The following ADD1 variants were observed in gnomAD, a reference collection of about 807,000 sequenced individuals.
ADD1 encodes alpha-adducin.
In ADD1, 24 loss-of-function variants were observed where a neutral mutation model predicts 80.5. The ratio of observed to expected loss-of-function variants is 0.30; its 90% CI spans 0.22 to 0.42. The LOEUF (loss-of-function observed/expected upper bound fraction) is 0.42. Ranked by LOEUF, ADD1 falls within the 10% of genes least tolerant of loss-of-function variation. ADD1 has a pLI of 1.00. For missense variants in ADD1, 948 were observed against 1,019.0 expected, an observed-to-expected ratio of 0.93 and a Z score of 0.95; for synonymous variants, 373 against 393.8, an observed-to-expected ratio of 0.95 and a Z score of 0.63.
Position 2,908,507 on chromosome 4 carries a change from AC to A in ADD1, c.1609-5del. The A allele has an allele frequency of 6.2e-7, 1 of 1,613,486 alleles. No homozygotes were observed. Among genetic ancestry groups the A allele is most frequent in the Non-Finnish European group, 8.5e-7 (1 of 1,179,534 alleles). On this transcript the variant is annotated splice_polypyrimidine_tract_variant and splice_region_variant and intron_variant, in intron 11 of 15. Transcript: ENST00000683351. ...CTGTTGATGTGTGCCTCTCCTTCCCACCCTCAGATCCGAGAGCAGAATTTAC... is the reference window on the plus strand; with the variant it reads ...CTGTTGATGTGTGCCTCTCCTTCCCACCTCAGATCCGAGAGCAGAATTTAC...
intron 2 of ADD1, among the ~76,000 whole-genome samples, chr4:2,878,775 G>GT (rs1432473046): frequency 6.6e-6 from 1 of 152,148 alleles, no homozygotes; most frequent in Non-Finnish European, 1.5e-5. Context: ...GGGGCTTGAG[G>GT]TTTTGCCAGA....
At chr4:2,865,948 C>T (rs1729478276) in intron 1 of ADD1, among the ~76,000 whole-genome samples, 1 of 152,142 alleles carries the variant, frequency 6.6e-6, no homozygotes, top group Non-Finnish European at 1.5e-5. Context: ...TTGTTCAGGA[C>T]ATGTGGCTCA....
At chr4:2,897,023 G>C (rs920360049) in intron 6 of ADD1, among the ~76,000 whole-genome samples, 3 of 152,124 alleles carry the variant, frequency 2.0e-5, no homozygotes, top group African/African-American at 7.2e-5. Flanking sequence ...GCTCCCAAAT[G>C]ACTGGGTTTA....
intron 10 of ADD1, 52 bp from the exon 11 acceptor site, chr4:2,907,691 G>A: frequency 7.0e-7 from 1 of 1,431,552 alleles, no homozygotes; most frequent in South Asian, 1.1e-5. Flanking sequence ...TGGATGCTAT[G>A]TCACTTATTG....
At chr4:2,915,152 C>A in intron 14 of ADD1, 112 bp downstream of exon 14, 2 of 1,189,202 alleles carry the variant, frequency 1.7e-6, no homozygotes, top group Non-Finnish European at 2.3e-6. Flanking sequence ...TCACATGCAT[C>A]AAAGACAAAC....
intron 14 of ADD1, among the ~76,000 whole-genome samples, chr4:2,923,056 G>A (rs1294401073): frequency 1.3e-5 from 2 of 152,246 alleles, no homozygotes; most frequent in East Asian, 3.8e-4. Flanking sequence ...CAAGCCAGTG[G>A]ATCTTAGCTT....
At position 2,897,401 on chromosome 4, in the gene ADD1, A is replaced by G. The variant is rs555725810; in HGVS notation, c.742-783A>G. Among the ~76,000 whole-genome samples the G allele has an allele frequency of 2.2e-3, 330 of 148,942 alleles. 1 individual carries two copies. Among genetic ancestry groups the G allele is most frequent in the Non-Finnish European group, 4.0e-3 (268 of 67,346 alleles). On this transcript the variant is annotated intron_variant, in intron 6 of 15. Transcript: ENST00000683351. ...AGAAATTATATAAGAAATTATATAT[A>G]AATTGTATATATATAATTACATTAT...
intron 14 of ADD1, among the ~76,000 whole-genome samples, chr4:2,923,840 G>C (rs1475494608): frequency 1.3e-5 from 2 of 152,234 alleles, no homozygotes; most frequent in African/African-American, 4.8e-5. Flanking sequence ...GGCGGCTCGC[G>C]AGAACGAGGT....
intron 3 of ADD1, among the ~76,000 whole-genome samples, 164 bp downstream of exon 3, chr4:2,882,224 A>G (rs16843535): frequency 0.019 from 2,890 of 152,360 alleles, 59 homozygotes; most frequent in African/African-American, 0.046. Context: ...ATAGGCTGGA[A>G]TTCTGAAATC....
chr4:2,909,952 G>GTAA (rs1299488810), intron 13 of ADD1, among the ~76,000 whole-genome samples: 1 of 123,618 alleles, frequency 8.1e-6, no homozygotes, highest in Admixed American at 8.6e-5. Context: ...TTGATAAAAT[G>GTAA]TATTTATTTG....
chr4:2,909,246 C>G, intron 12 of ADD1, 93 bp from the exon 13 acceptor site: 1 of 1,065,448 alleles, frequency 9.4e-7, no homozygotes, highest in Non-Finnish European at 1.4e-6. Flanking sequence ...GCTGTCCCTG[C>G]TGCATGCTCT....
intron 14 of ADD1, among the ~76,000 whole-genome samples, chr4:2,924,001 TTC>T (rs1195144461): frequency 6.6e-6 from 1 of 152,210 alleles, no homozygotes. Flanking sequence ...CTGACAGAAA[TTC>T]TCTTTCTCCA....
In ADD1 at chr4:2,905,016, G is replaced by T. The variant is rs1560224131; in HGVS notation, c.1414G>T (p.Val472Leu). 1 of 1,614,208 alleles carries T rather than the reference G, an allele frequency of 6.2e-7. No homozygotes were observed. The highest frequency in any genetic ancestry group is 8.5e-7 in the Non-Finnish European group (1 of 1,180,042). ...AAGCAGTCCCAAGTCGAAGACTAAG[G>T]TGTGGACGAACATTACACACGATCA... is the stretch of plus-strand genomic sequence containing the variant. The part of the protein sequence containing the change: ...NGSSPKSKTK[V>L]WTNITHDHVK... The change falls in exon 10 of 16, where the codon GTG (valine) becomes TTG (leucine). Residue 472 changes from valine (V) to leucine (L), a missense_variant. By Grantham distance (32) the Val-to-Leu change is conservative. Transcript: ENST00000683351.
chr4:2,853,923 A>G (rs1489336279), intron 1 of ADD1, among the ~76,000 whole-genome samples: 3 of 152,116 alleles, frequency 2.0e-5, no homozygotes, highest in African/African-American at 7.2e-5. Context: ...TTTTAATTGC[A>G]TTGCACCCGG....
intron 1 of ADD1, among the ~76,000 whole-genome samples, chr4:2,848,756 C>G (rs763745227): frequency 2.0e-5 from 3 of 152,126 alleles, no homozygotes; most frequent in Non-Finnish European, 2.9e-5. Context: ...GGATAACAGG[C>G]ATGAGTCACT....
At position 2,924,522 on chromosome 4, in the gene ADD1, C is replaced by T. The variant is rs1740638817; in HGVS notation, c.1949-1492C>T. Among the ~76,000 whole-genome samples the T allele has an allele frequency of 1.3e-5, 2 of 152,212 alleles. 1 individual carries two copies. The highest frequency in any genetic ancestry group is 4.1e-4 in the South Asian group (2 of 4,832). On this transcript the variant is annotated intron_variant, in intron 14 of 15. Transcript: ENST00000683351. The stretch of plus-strand genomic sequence containing the variant: ...TGCTTCTCAGTCCTCCGGGGTCAGC[C>T]TTGCTGGAGCCACCTTGTTGTGTGG...
At chr4:2,852,189 T>TCTTTCTTTCTTTCTTTC (rs1553815101) in intron 1 of ADD1, among the ~76,000 whole-genome samples, 25 of 50,822 alleles carry the variant, frequency 4.9e-4, no homozygotes, top group African/African-American at 1.6e-3. Flanking sequence ...TTTCTTTCTT[T>TCTTTCTTTCTTTCTTTC]CTTTCTTTCC....
chr4:2,852,182 CTTT>C (rs1560138099), intron 1 of ADD1, among the ~76,000 whole-genome samples: 1,211 of 63,288 alleles, frequency 0.019, 8 homozygotes, highest in South Asian at 0.024. Flanking sequence ...TTCTTTCTTT[CTTT>C]CTTTCTTTCT....
chr4:2,896,723 T>C (rs1735303391), intron 6 of ADD1, among the ~76,000 whole-genome samples: 1 of 152,158 alleles, frequency 6.6e-6, no homozygotes, highest in Non-Finnish European at 1.5e-5. Flanking sequence ...AAAGGTACCT[T>C]TGACAGTATG....
Sources: allele counts gnomAD v4.1 joint callset (sites outside exome capture counted in the v4.1 genomes callset), GRCh38; gene constraint gnomAD v4.1.1; transcripts MANE v1.5; gene names NCBI Gene and HGNC (gene_info 2026-07-23, HGNC 2026-07-21).